MUSK: variants seen among roughly 807,000 people sequenced by gnomAD.
MUSK encodes muscle, skeletal receptor tyrosine-protein kinase.
A neutral mutation model predicts 88.7 loss-of-function variants in MUSK; 55 were observed. The ratio of observed to expected loss-of-function variants is 0.62; its 90% CI spans 0.50 to 0.78. The LOEUF is 0.78. Among genes scored for constraint, MUSK ranks in the 30% least tolerant of loss-of-function variants. MUSK has a pLI of 0.00. For missense variants in MUSK, 1,015 were observed against 1,074.3 expected, an observed-to-expected ratio of 0.94 and a Z score of 0.77; for synonymous variants, 387 against 391.9, an observed-to-expected ratio of 0.99 and a Z score of 0.15.
intron 5 of MUSK, among the ~76,000 whole-genome samples, chr9:110,721,890 G>A (rs1364652771): frequency 2.0e-5 from 3 of 152,080 alleles, no homozygotes; most frequent in Non-Finnish European, 2.9e-5. Context: ...GTATAAAAAT[G>A]GGCACAGAGA....
intron 7 of MUSK, among the ~76,000 whole-genome samples, chr9:110,748,192 C>T (rs1218353292): frequency 6.8e-6 from 1 of 146,666 alleles, no homozygotes; most frequent in Non-Finnish European, 1.5e-5. Context: ...CTCCTTCCCT[C>T]CCTCCCTCTT....
At position 110,682,754 on chromosome 9, in the gene MUSK, T is replaced by G. The variant is rs763142796; in HGVS notation, c.160T>G (p.Tyr54Asp). The change falls in exon 2 of 15, where the codon TAC becomes GAC. Residue 54 changes from tyrosine to aspartate, a missense_variant. Tyr to Asp is a radical substitution (Grantham distance 160). Transcript: ENST00000374448. ...VATFMCAVES[Y>D]PQPEISWTRN... is the part of the protein sequence containing the mutation. Reference sequence around the variant, plus strand: ...TACTTTCATGTGTGCAGTGGAATCCTACCCCCAGCCTGAGATTTCCTGGAC... The same window carrying G: ...TACTTTCATGTGTGCAGTGGAATCCGACCCCCAGCCTGAGATTTCCTGGAC... 1.9e-6 allele frequency: 3 copies of G among 1,612,734 alleles called. No individual in the cohort carries two copies. The African/African-American group carries it at 4.0e-5, about 22-fold the overall frequency.
At chr9:110,798,322 AT>A (rs1226620930) in intron 14 of MUSK, among the ~76,000 whole-genome samples, 4 of 152,190 alleles carry the variant, frequency 2.6e-5, no homozygotes, top group South Asian at 2.1e-4. Flanking sequence ...TTTCCCTTTT[AT>A]TGAAATCCTA....
At chr9:110,769,704 G>A (rs914133877) in intron 9 of MUSK, among the ~76,000 whole-genome samples, 1 of 152,032 alleles carries the variant, frequency 6.6e-6, no homozygotes, top group Non-Finnish European at 1.5e-5. Flanking sequence ...AAATCCTTTT[G>A]CTAGAAAGTA....
At chr9:110,729,307 C>G in intron 5 of MUSK, among the ~76,000 whole-genome samples, 1 of 85,356 alleles carries the variant, frequency 1.2e-5, no homozygotes, top group Non-Finnish European at 2.6e-5. Context: ...AGTTTTCTGT[C>G]AACAGTTTCT....
chr9:110,708,110 A>G (rs759736416), intron 5 of MUSK, among the ~76,000 whole-genome samples: 18 of 152,034 alleles, frequency 1.2e-4, no homozygotes, highest in Non-Finnish European at 2.5e-4. Context: ...CTATCTATCT[A>G]TCTATCTATC....
chr9:110,715,477 A>G lies in MUSK; in HGVS notation c.628+18011A>G, dbSNP rs561735538. ...TACATGAGTGTAAGGAAAGTATCCT[A>G]CTACTAAGATTTTGACTTCCCAACC... On this transcript the variant is annotated intron_variant, in intron 5 of 14. Transcript: ENST00000374448. Among the ~76,000 whole-genome samples, 411 of 148,966 alleles carry G rather than the reference A, an allele frequency of 2.8e-3. 47 individuals are homozygous for G. Among genetic ancestry groups the G allele is most frequent in the African/African-American group, 9.4e-3 (367 of 38,968 alleles).
chr9:110,718,908 G>A (rs936198873), intron 5 of MUSK, among the ~76,000 whole-genome samples: 7 of 152,056 alleles, frequency 4.6e-5, no homozygotes, highest in Non-Finnish European at 8.8e-5. Flanking sequence ...CTACAAGCTA[G>A]AAGAAATTGG....
intron 2 of MUSK, 65 bp downstream of exon 2, chr9:110,682,865 A>G: frequency 8.5e-7 from 1 of 1,177,320 alleles, no homozygotes; most frequent in Admixed American, 2.5e-5. Flanking sequence ...ATATATATGT[A>G]TATATTTATG....
chr9:110,681,100 A>ATATT lies in MUSK; in HGVS notation c.80-1574_80-1573insTATT, dbSNP rs1202157671. ...ATATATTATATAATATATATTATAT[A>ATATT]ATATATATTATATATAATATATATT... is the stretch of plus-strand genomic sequence containing the variant. On this transcript the variant is annotated intron_variant, in intron 1 of 14. Transcript: ENST00000374448. Among the ~76,000 whole-genome samples the ATATT allele has an allele frequency of 3.7e-3, 72 of 19,212 alleles. 6 individuals are homozygous for ATATT. The highest frequency in any genetic ancestry group is 0.018 in the African/African-American group (65 of 3,596). 12.6% of individuals were successfully genotyped at this position (19,212 alleles called of 152,430 possible). A position where few individuals can be genotyped will look rare whatever the true frequency, so the allele number is the denominator to read the frequency against.
chr9:110,802,604 T>C lies in MUSK; in HGVS notation c.*1616T>C, dbSNP rs1291126948. ...TCTCCAGGCAACCAAGACAAAAATG[T>C]AGAAATTTTCCTAGACTTTGCCCTC... On this transcript the variant is annotated 3_prime_UTR_variant, in exon 15 of 15. Coordinates refer to ENST00000374448, the MANE Select transcript of MUSK (RefSeq NM_005592.4). Among the ~76,000 whole-genome samples, 1 of 152,190 alleles carries C rather than the reference T, an allele frequency of 6.6e-6. No homozygotes were observed. The highest frequency in any genetic ancestry group is 1.5e-5 in the Non-Finnish European group (1 of 68,032).
intron 7 of MUSK, among the ~76,000 whole-genome samples, chr9:110,748,652 T>G (rs997916439): frequency 1.3e-5 from 2 of 152,024 alleles, no homozygotes; most frequent in Non-Finnish European, 2.9e-5. Flanking sequence ...TGGCCTGACA[T>G]GTAAGGCAAG....
intron 14 of MUSK, among the ~76,000 whole-genome samples, chr9:110,790,802 A>G (rs960739648): frequency 2.0e-5 from 3 of 152,224 alleles, no homozygotes; most frequent in Non-Finnish European, 2.9e-5. Context: ...GAACATTAAA[A>G]GCTTACTTGA....
At chr9:110,743,475 A>T (rs962846706) in intron 6 of MUSK, among the ~76,000 whole-genome samples, 1 of 152,242 alleles carries the variant, frequency 6.6e-6, no homozygotes, top group South Asian at 2.1e-4. Flanking sequence ...ATTTATAGTT[A>T]TACCAGTAAT....
chr9:110,696,963 C>G (rs947704626), intron 4 of MUSK, among the ~76,000 whole-genome samples: 23 of 150,828 alleles, frequency 1.5e-4, no homozygotes, highest in Admixed American at 6.0e-4. Context: ...CAACATTTCC[C>G]CCTTCTAAAA....
intron 3 of MUSK, among the ~76,000 whole-genome samples, chr9:110,689,242 T>TAGAA (rs1564216688): frequency 8.6e-6 from 1 of 115,618 alleles, no homozygotes; most frequent in African/African-American, 3.6e-5. Flanking sequence ...TATATAAATA[T>TAGAA]ATAAACTATA....
At chr9:110,756,750 A>C (rs72756531) in intron 7 of MUSK, among the ~76,000 whole-genome samples, 1,837 of 152,202 alleles carry the variant, frequency 0.012, 16 homozygotes, top group South Asian at 0.031. Flanking sequence ...CTGAGAACCA[A>C]AGCTATTTGT....
chr9:110,721,959 T>G (rs2076817729), intron 5 of MUSK, among the ~76,000 whole-genome samples: 1 of 152,264 alleles, frequency 6.6e-6, no homozygotes, highest in South Asian at 2.1e-4. Flanking sequence ...TTAACCGATC[T>G]TTGACAAAGC....
intron 6 of MUSK, among the ~76,000 whole-genome samples, chr9:110,739,759 C>A (rs945530693): frequency 6.6e-6 from 1 of 152,072 alleles, no homozygotes; most frequent in African/African-American, 2.4e-5. Context: ...ATGGAGGATA[C>A]TTTTATCCCT....
Sources: allele counts gnomAD v4.1 joint callset (sites outside exome capture counted in the v4.1 genomes callset), GRCh38; gene constraint gnomAD v4.1.1; transcripts MANE v1.5; gene names NCBI Gene and HGNC (gene_info 2026-07-23, HGNC 2026-07-21).